SHC3: variants seen among roughly 807,000 people sequenced by gnomAD.
SHC3 encodes SHC-transforming protein 3.
A neutral mutation model predicts 60.4 loss-of-function variants in SHC3; 15 were observed. That is an observed-to-expected ratio of 0.25 (90% CI 0.17 to 0.38). SHC3 has a LOEUF of 0.38. Among genes scored for constraint, SHC3 ranks in the 10% least tolerant of loss-of-function variants. SHC3 has a pLI of 1.00. For missense variants in SHC3, 677 were observed against 786.1 expected, an observed-to-expected ratio of 0.86 and a Z score of 1.66; for synonymous variants, 294 against 325.9, an observed-to-expected ratio of 0.90 and a Z score of 1.05.
chr9:89,100,205 T>C (rs562643607), intron 2 of SHC3, among the ~76,000 whole-genome samples: 1 of 152,290 alleles, frequency 6.6e-6, no homozygotes, highest in Admixed American at 6.5e-5. Context: ...TTTCATATTT[T>C]AACATTTCTG....
intron 1 of SHC3, among the ~76,000 whole-genome samples, chr9:89,144,929 A>G (rs1413389443): frequency 1.3e-5 from 2 of 152,208 alleles, no homozygotes; most frequent in Non-Finnish European, 2.9e-5. Flanking sequence ...TTTCTTTAAC[A>G]AACGGCAGCA....
At chr9:89,114,353 T>TC (rs1825992671) in intron 1 of SHC3, among the ~76,000 whole-genome samples, 1 of 151,764 alleles carries the variant, frequency 6.6e-6, no homozygotes, top group African/African-American at 2.4e-5. Flanking sequence ...AAAATACCTG[T>TC]CCCCCCATGG....
intron 1 of SHC3, among the ~76,000 whole-genome samples, chr9:89,122,135 G>A (rs1020603969): frequency 9.9e-5 from 15 of 151,908 alleles, no homozygotes; most frequent in African/African-American, 3.6e-4. Context: ...ATGTTGTTTT[G>A]GACACCTGGG....
At chr9:89,100,021 G>A (rs1304380051) in intron 2 of SHC3, among the ~76,000 whole-genome samples, 1 of 152,062 alleles carries the variant, frequency 6.6e-6, no homozygotes, top group Non-Finnish European at 1.5e-5. Context: ...CCATCTATTA[G>A]TTCAGGTCTA....
chr9:89,160,300 C>A (rs1826685373), intron 1 of SHC3, among the ~76,000 whole-genome samples: 1 of 152,206 alleles, frequency 6.6e-6, no homozygotes, highest in Non-Finnish European at 1.5e-5. Flanking sequence ...CTCCACCTAC[C>A]CAGATCTGGA....
intron 6 of SHC3, 69 bp downstream of exon 6, chr9:89,065,460 C>T: frequency 1.3e-6 from 2 of 1,518,178 alleles, no homozygotes; most frequent in South Asian, 2.3e-5. Context: ...ATAACGAGGA[C>T]CAGCTTGTAT....
intron 2 of SHC3, among the ~76,000 whole-genome samples, chr9:89,080,232 A>T (rs570072743): frequency 6.6e-6 from 1 of 152,228 alleles, no homozygotes; most frequent in South Asian, 2.1e-4. Flanking sequence ...CTCAGGTACC[A>T]ATTTTGCCCT....
intron 11 of SHC3, among the ~76,000 whole-genome samples, chr9:89,016,992 C>CTT (rs939722465): frequency 6.6e-6 from 1 of 152,012 alleles, no homozygotes. Context: ...AAAAAAAGGT[C>CTT]TTTTTTTCCC....
At position 89,161,513 on chromosome 9, in the gene SHC3, G is replaced by A. The variant is rs558917972; in HGVS notation, c.474+16474C>T. 3.5e-4 allele frequency among the ~76,000 whole-genome samples: 54 copies of A among 152,230 alleles called. 2 individuals are homozygous for A. The highest frequency in any genetic ancestry group is 3.1e-3 in the East Asian group (16 of 5,180). On this transcript the variant is annotated intron_variant, in intron 1 of 11. Coordinates refer to ENST00000375835, the MANE Select transcript of SHC3 (RefSeq NM_016848.6). ...CAATGCGAGAATGGGCTAATACATC[G>A]GCTGAACACCCGTCCCACAATCCAT...
At chr9:89,033,011 A>G (rs200520708) in intron 11 of SHC3, among the ~76,000 whole-genome samples, 1 of 136,734 alleles carries the variant, frequency 7.3e-6, no homozygotes, top group African/African-American at 2.5e-5. Flanking sequence ...TAGATCCAAC[A>G]AAAAAGCCCC....
chr9:89,133,827 G>A (rs1394677475), intron 1 of SHC3, among the ~76,000 whole-genome samples: 1 of 152,070 alleles, frequency 6.6e-6, no homozygotes, highest in African/African-American at 2.4e-5. Context: ...GAGTTAATGG[G>A]TGCAGCACAC....
At chr9:89,047,937 G>C (rs548735354) in intron 7 of SHC3, among the ~76,000 whole-genome samples, 30 of 152,222 alleles carry the variant, frequency 2.0e-4, no homozygotes, top group African/African-American at 6.7e-4. Context: ...CTTTACAGTA[G>C]CATTGTTCAT....
chr9:89,064,348 C>A (rs937585351), intron 6 of SHC3, among the ~76,000 whole-genome samples: 1 of 152,138 alleles, frequency 6.6e-6, no homozygotes, highest in Admixed American at 6.5e-5. Flanking sequence ...CACAGTATCA[C>A]CACATGCAAA....
At chr9:89,097,808 A>G (rs758922913) in intron 2 of SHC3, among the ~76,000 whole-genome samples, 2 of 152,218 alleles carry the variant, frequency 1.3e-5, no homozygotes, top group Non-Finnish European at 2.9e-5. Context: ...TTCAATCTCC[A>G]TCGCTTTTAG....
At chr9:89,026,087 TACACAC>T (rs1290355165) in intron 11 of SHC3, among the ~76,000 whole-genome samples, 1 of 151,764 alleles carries the variant, frequency 6.6e-6, no homozygotes, top group Admixed American at 6.6e-5. Context: ...CTACTAAAAA[TACACAC>T]ACACACCCCA....
At chr9:89,027,401 G>T (rs1349936123) in intron 11 of SHC3, among the ~76,000 whole-genome samples, 2 of 149,068 alleles carry the variant, frequency 1.3e-5, no homozygotes, top group East Asian at 3.9e-4. Context: ...CTCACTGCAG[G>T]CTGTGCCCCC....
At chr9:89,126,494 G>C (rs1225631276) in intron 1 of SHC3, among the ~76,000 whole-genome samples, 1 of 152,194 alleles carries the variant, frequency 6.6e-6, no homozygotes, top group Non-Finnish European at 1.5e-5. Context: ...CATGGGACAT[G>C]GGGAACTTTA....
intron 2 of SHC3, chr9:89,109,877 A>G (rs1825921121): frequency 2.0e-6 from 2 of 985,386 alleles, no homozygotes; most frequent in Admixed American, 6.1e-5. Flanking sequence ...CCCATGAAAC[A>G]TCCAACAGAA....
intron 11 of SHC3, among the ~76,000 whole-genome samples, chr9:89,023,243 T>C (rs762412543): frequency 1.3e-5 from 2 of 152,194 alleles, no homozygotes; most frequent in African/African-American, 4.8e-5. Flanking sequence ...ATAAGCCTTA[T>C]CAACAAGGTC....
Sources: gnomAD v4.1 joint callset for allele counts (sites outside exome capture counted in the v4.1 genomes callset) on GRCh38, gnomAD v4.1.1 for gene constraint, MANE v1.5 for transcripts, NCBI Gene and HGNC (gene_info 2026-07-23, HGNC 2026-07-21) for gene names.